The following CGN variants were observed in gnomAD, a reference collection of about 807,000 sequenced individuals.
CGN encodes the protein cingulin.
A neutral mutation model predicts 157.1 loss-of-function variants in CGN; 121 were observed. The ratio of observed to expected loss-of-function variants is 0.77; its 90% CI spans 0.66 to 0.90. CGN has a LOEUF of 0.90. Ranked by LOEUF, CGN falls within the 40% of genes least tolerant of loss-of-function variation. The probability of loss-of-function intolerance (pLI) is 0.00; values close to 1 mark genes in which losing one functional copy is unlikely to be tolerated. For synonymous variants in CGN, 535 were observed against 607.5 expected (o/e 0.88, Z 1.76); for missense variants, 1,424 against 1,520.9 (o/e 0.94, Z 1.06).
chr1:151,537,351 TGGTCCTCAAGGACTCA>T lies in CGN; in HGVS notation c.*7_*22del. The T allele has an allele frequency of 6.2e-7, 1 of 1,612,580 alleles. No homozygotes were observed. The highest frequency in any genetic ancestry group is 8.5e-7 in the Non-Finnish European group (1 of 1,179,214). ...CTACAGACCAGCTCCTGTTAGCTCG[TGGTCCTCAAGGACTCA>T]GAAACCAGGCTCGAGGCCTATCCCA... On this transcript the variant is annotated 3_prime_UTR_variant, in exon 21 of 21. Coordinates refer to ENST00000271636, the MANE Select transcript of CGN (RefSeq NM_020770.3).
rs1557994693 is a variant in CGN at position 151,536,317 on chromosome 1, GGCA to G, written c.3282_3284del (p.Gln1094del). ...CTATCCATCCAGATTGAAGACGAGC[GGCA>G]GCATGTCAATGACCAGAAAGACCAG... On this transcript the variant is annotated inframe_deletion, in exon 19 of 21. Transcript: ENST00000271636. 1 of 1,610,702 alleles carries G rather than the reference GGCA, an allele frequency of 6.2e-7. No homozygotes were observed. Among genetic ancestry groups the G allele is most frequent in the South Asian group, 1.1e-5 (1 of 90,972 alleles).
At chr1:151,520,506 G>A (rs1479287360) in intron 4 of CGN, 23 bp downstream of exon 4, 2 of 1,613,142 alleles carry the variant, frequency 1.2e-6, no homozygotes. Flanking sequence ...CTCTGGATGG[G>A]AGCAAGGGTC....
rs1042946336 is a variant in CGN, at chr1:151,524,506, T to C, written c.1401+148T>C. 3.5e-5 allele frequency: 47 copies of C among 1,328,168 alleles called. No individual in the cohort carries two copies. Among genetic ancestry groups the C allele is most frequent in the Non-Finnish European group, 4.5e-5 (43 of 961,204 alleles). The allele number at this position is 1,328,168 out of a possible 1,614,324, so 82.3% of individuals were successfully genotyped here. On this transcript the variant is annotated intron_variant, in intron 7 of 20. Transcript: ENST00000271636. This position sits in a 1 kb window ranked among gnomAD's most constrained non-coding sequence, Gnocchi z 4.4. ...GCTTTCAGGTAGATTCAATGGTGTG[T>C]TGGGACTAGAGTTAGGATAAAGGAA...
chr1:151,527,221 C>A, intron 10 of CGN, 114 bp downstream of exon 10: 3 of 1,059,418 alleles, frequency 2.8e-6, no homozygotes, highest in Non-Finnish European at 4.3e-6. Flanking sequence ...GGTTTCCAGG[C>A]CTCATCCTGC....
chr1:151,531,963 G>A (rs1161165778), intron 13 of CGN, among the ~76,000 whole-genome samples: 1 of 151,834 alleles, frequency 6.6e-6, no homozygotes, highest in Non-Finnish European at 1.5e-5. Context: ...TATACCTTAT[G>A]GTATGTTATA....
intron 9 of CGN, 60 bp from the exon 10 acceptor site, chr1:151,526,915 C>A: frequency 6.2e-7 from 1 of 1,607,814 alleles, no homozygotes; most frequent in Non-Finnish European, 8.5e-7. Context: ...TGCTAACCTC[C>A]CCCAGGCATG....
rs773154479 is a variant in CGN, at chr1:151,529,521, C to T, written c.2068C>T (p.Leu690Phe). 1.2e-5 allele frequency: 19 copies of T among 1,613,814 alleles called. No individual in the cohort carries two copies. The highest frequency in any genetic ancestry group is 1.5e-5 in the Non-Finnish European group (18 of 1,179,990). ...EEQNLQLQKT[L>F]QQLRQDCEEA... ...ACAGAACCTCCAGCTACAAAAGACC[C>T]TCCAGCAACTGCGACAGGACTGTGA... The change falls in exon 11 of 21, where the codon CTC (leucine) becomes TTC (phenylalanine). Residue 690 changes from leucine to phenylalanine, a missense_variant. Physicochemically the swap from Leu to Phe is conservative, Grantham distance 22. This residue lies in a region of CGN where 1,187 missense variants were observed against 1,217.6 expected (regional missense o/e 0.97). Transcript: ENST00000271636.
Position 151,524,471 on chromosome 1 carries a change from T to A in CGN, c.1401+113T>A. ...TGAGGAGTGGGTGGCTGATTACAGG[T>A]ACTCAGTGTGCTTTCAGGTAGATTC... On this transcript the variant is annotated intron_variant, in intron 7 of 20. Transcript: ENST00000271636. This position sits in a 1 kb window ranked among gnomAD's most constrained non-coding sequence, Gnocchi z 4.4. The A allele has an allele frequency of 6.8e-7, 1 of 1,470,668 alleles. No homozygotes were observed. The highest frequency in any genetic ancestry group is 1.4e-5 in the African/African-American group (1 of 71,432). 91.1% of individuals were successfully genotyped at this position (1,470,668 alleles called of 1,614,324 possible).
At chr1:151,517,814 A>C (rs1664446474) in intron 1 of CGN, among the ~76,000 whole-genome samples, 1 of 150,660 alleles carries the variant, frequency 6.6e-6, no homozygotes, top group Non-Finnish European at 1.5e-5. Context: ...ACCTGGCCAC[A>C]TGGTGGTATT....
intron 12 of CGN, 113 bp downstream of exon 12, chr1:151,530,228 C>T (rs1398372759): frequency 5.1e-6 from 6 of 1,179,208 alleles, no homozygotes; most frequent in Non-Finnish European, 7.2e-6. Context: ...GTTTTGCCTC[C>T]CCAAACCTGC....
At chr1:151,523,627 C>T in intron 6 of CGN, 66 bp downstream of exon 6, 3 of 1,451,432 alleles carry the variant, frequency 2.1e-6, no homozygotes, top group South Asian at 1.4e-5. Context: ...AGGCCACTCC[C>T]TCTTTGCCCC....
chr1:151,529,313 C>A, intron 10 of CGN, 37 bp from the exon 11 acceptor site: 2 of 1,570,994 alleles, frequency 1.3e-6, no homozygotes, highest in Non-Finnish European at 8.7e-7. Flanking sequence ...CTTAGTCTGG[C>A]TCTGGGTGCC....
chr1:151,529,810 T>C (rs1295301720), intron 11 of CGN, 99 bp from the exon 12 acceptor site: 4 of 1,165,258 alleles, frequency 3.4e-6, no homozygotes, highest in Non-Finnish European at 4.9e-6. Flanking sequence ...TGGGCTGTCT[T>C]TGGGATGGCT....
At chr1:151,520,021 C>T in intron 2 of CGN, 145 bp from the exon 3 acceptor site, 2 of 654,038 alleles carry the variant, frequency 3.1e-6, no homozygotes, top group Non-Finnish European at 5.3e-6. Flanking sequence ...TTCCTTGCTG[C>T]ATTTCAGGAT....
chr1:151,536,112 C>T (rs1343794299), intron 18 of CGN, 125 bp from the exon 19 acceptor site: 1 of 756,202 alleles, frequency 1.3e-6, no homozygotes, highest in African/African-American at 1.7e-5. Flanking sequence ...TGAATCTGCC[C>T]TGGATCCTGC....
intron 18 of CGN, 138 bp downstream of exon 18, chr1:151,536,036 C>A (rs78585561): frequency 1.4e-6 from 1 of 735,382 alleles, no homozygotes; most frequent in Non-Finnish European, 2.4e-6. Flanking sequence ...ACACTTTCTC[C>A]TGATAGAGAG....
intron 20 of CGN, 142 bp from the exon 21 acceptor site, chr1:151,537,063 C>T (rs1339929297): frequency 8.4e-7 from 1 of 1,192,684 alleles, no homozygotes; most frequent in South Asian, 1.5e-5. Flanking sequence ...CCATCCTGTA[C>T]CTCCCCAAAT....
At chr1:151,530,306 T>C (rs1664804353) in intron 12 of CGN, among the ~76,000 whole-genome samples, 183 bp from the exon 13 acceptor site, 1 of 152,206 alleles carries the variant, frequency 6.6e-6, no homozygotes, top group South Asian at 2.1e-4. Flanking sequence ...GCACTGGTAG[T>C]TTTGTTTCTT....
At chr1:151,520,992 T>A (rs150824544) in intron 5 of CGN, among the ~76,000 whole-genome samples, 544 of 152,162 alleles carry the variant, frequency 3.6e-3, no homozygotes, top group African/African-American at 0.012. Flanking sequence ...TCTCTGTGCC[T>A]CAATTTTTTT....
Sources: allele counts gnomAD v4.1 joint callset (sites outside exome capture counted in the v4.1 genomes callset), GRCh38; gene constraint gnomAD v4.1.1; regional missense constraint gnomAD v4.1.1; non-coding constraint Gnocchi (gnomAD v3.1); transcripts MANE v1.5; gene names NCBI Gene and HGNC (gene_info 2026-07-23, HGNC 2026-07-21).